Variants in DIAPH3 observed in about 807,000 individuals in gnomAD.
The protein encoded by DIAPH3 is diaphanous related formin 3.
In DIAPH3, 117 loss-of-function variants were observed where a neutral mutation model predicts 144.3. The observed-to-expected ratio is 0.81, with a 90% confidence interval of 0.70 to 0.95. The LOEUF is 0.95. DIAPH3 is among the 40% of genes least tolerant of loss of function. The pLI, the probability that DIAPH3 is intolerant of heterozygous loss-of-function variation, is 0.00. For missense variants in DIAPH3, 1,421 were observed against 1,412.7 expected, an observed-to-expected ratio of 1.01 and a Z score of -0.09; for synonymous variants, 519 against 488.9, an observed-to-expected ratio of 1.06 and a Z score of -0.81.
chr13:59,864,791 C>G (rs2139956955), intron 21 of DIAPH3, among the ~76,000 whole-genome samples: 1 of 151,968 alleles, frequency 6.6e-6, no homozygotes, highest in East Asian at 1.9e-4. Context: ...CATGGGTTGT[C>G]TTGTTGAAAA....
At chr13:59,762,932 T>C (rs1292377684) in intron 27 of DIAPH3, among the ~76,000 whole-genome samples, 1 of 152,150 alleles carries the variant, frequency 6.6e-6, no homozygotes, top group Non-Finnish European at 1.5e-5. Flanking sequence ...TTTGTCTCCC[T>C]TAGCCCATCA....
At chr13:59,717,263 T>C (rs1331919976) in intron 27 of DIAPH3, among the ~76,000 whole-genome samples, 1 of 152,232 alleles carries the variant, frequency 6.6e-6, no homozygotes, top group Non-Finnish European at 1.5e-5. Context: ...TAAATAAGAA[T>C]AGTATCTATA....
At chr13:59,808,584 C>T (rs1382698223) in intron 25 of DIAPH3, among the ~76,000 whole-genome samples, 2 of 152,016 alleles carry the variant, frequency 1.3e-5, no homozygotes, top group Non-Finnish European at 2.9e-5. Context: ...TAATTACAAA[C>T]ATTTTCTATT....
At chr13:59,756,444 A>AAGGAAGGAAGGAAGGAAGGAAGGAAG in intron 27 of DIAPH3, among the ~76,000 whole-genome samples, 1 of 122,832 alleles carries the variant, frequency 8.1e-6, no homozygotes, top group African/African-American at 3.3e-5. Context: ...AAGGAAGGAA[A>AAGGAAGGAAGGAAGGAAGGAAGGAAG]GAAGGAAGGA....
At chr13:59,774,486 A>G (rs1335492115) in intron 26 of DIAPH3, among the ~76,000 whole-genome samples, 2 of 152,142 alleles carry the variant, frequency 1.3e-5, no homozygotes, top group Non-Finnish European at 2.9e-5. Flanking sequence ...TTGTCACACT[A>G]ATTAGGATTT....
At chr13:60,144,638 T>G (rs748743866) in intron 1 of DIAPH3, 1 of 152,242 alleles carries the variant, frequency 6.6e-6, no homozygotes, top group Non-Finnish European at 1.5e-5. Context: ...GCTCTACTCT[T>G]GCACGGACCA....
At chr13:59,783,990 T>C (rs1031654196) in intron 25 of DIAPH3, among the ~76,000 whole-genome samples, 1 of 152,186 alleles carries the variant, frequency 6.6e-6, no homozygotes, top group African/African-American at 2.4e-5. Flanking sequence ...TTTTCCATTG[T>C]GTTTACTTTG....
chr13:59,888,680 C>CTTCA (rs1052105388), intron 20 of DIAPH3, among the ~76,000 whole-genome samples: 1 of 152,044 alleles, frequency 6.6e-6, no homozygotes, highest in African/African-American at 2.4e-5. Flanking sequence ...TTCAGGTACT[C>CTTCA]TTCATTACTT....
rs142627782 is a variant in DIAPH3, at chr13:59,735,964, C to G, written c.3319+38225G>C. On this transcript the variant is annotated intron_variant, in intron 27 of 27. Coordinates refer to ENST00000400324, the MANE Select transcript of DIAPH3 (RefSeq NM_001042517.2). The stretch of plus-strand genomic sequence containing the variant: ...ACCACCCTGAACCCTCTGACAGGCC[C>G]CAGTGTGTGTTGTTCCCCTCTATGT... 8.8e-3 allele frequency among the ~76,000 whole-genome samples: 1,334 copies of G among 152,172 alleles called. 20 individuals carry two copies. The highest frequency in any genetic ancestry group is 0.031 in the African/African-American group (1,271 of 41,500).
chr13:59,728,799 T>C (rs1300053314), intron 27 of DIAPH3, among the ~76,000 whole-genome samples: 1 of 152,136 alleles, frequency 6.6e-6, no homozygotes, highest in East Asian at 1.9e-4. Flanking sequence ...AGTACTTATG[T>C]AGATGAATTT....
chr13:59,839,621 A>G (rs1407476311), intron 22 of DIAPH3, among the ~76,000 whole-genome samples, 173 bp from the exon 23 acceptor site: 1 of 152,216 alleles, frequency 6.6e-6, no homozygotes, highest in African/African-American at 2.4e-5. Flanking sequence ...TAGTTATAAA[A>G]GAAATTCAGT....
chr13:60,031,732 CTTTTTTT>C (rs1165739891), intron 5 of DIAPH3, among the ~76,000 whole-genome samples: 1 of 64,680 alleles, frequency 1.5e-5, no homozygotes, highest in African/African-American at 6.6e-5. Context: ...GTCATTAAAT[CTTTTTTT>C]TTTTTTTTTT....
At chr13:59,689,122 T>C (rs956719435) in intron 27 of DIAPH3, among the ~76,000 whole-genome samples, 2 of 152,066 alleles carry the variant, frequency 1.3e-5, no homozygotes, top group Non-Finnish European at 2.9e-5. Context: ...TGCAAGAATT[T>C]AGCACCTTCT....
chr13:59,788,567 G>A (rs1015177904), intron 25 of DIAPH3, among the ~76,000 whole-genome samples: 1 of 152,156 alleles, frequency 6.6e-6, no homozygotes, highest in Non-Finnish European at 1.5e-5. Context: ...ATGTAAAAGG[G>A]TGTCTGTTAT....
At chr13:59,905,200 G>A (rs1218057088) in intron 20 of DIAPH3, among the ~76,000 whole-genome samples, 1 of 151,578 alleles carries the variant, frequency 6.6e-6, no homozygotes, top group Non-Finnish European at 1.5e-5. Context: ...AAAATTAGCC[G>A]GGCGTGGTGG....
intron 20 of DIAPH3, among the ~76,000 whole-genome samples, chr13:59,906,729 T>G (rs1322169531): frequency 6.6e-6 from 1 of 152,204 alleles, no homozygotes; most frequent in African/African-American, 2.4e-5. Flanking sequence ...CTTAACAGAA[T>G]TAAATAACGT....
chr13:59,666,719 G>T lies in DIAPH3; in HGVS notation c.3447C>A (p.Ile1149=), dbSNP rs1247574329. ...ACGCTTCCTTCTTCTCAGCTGCCTTGATCCTCCCAGTAGACGTATGAGTGT... is the reference window on the plus strand; with the variant it reads ...ACGCTTCCTTCTTCTCAGCTGCCTTTATCCTCCCAGTAGACGTATGAGTGT... ...NLDTHTSTGR[I]KAAEKKEACN... The change falls in exon 28 of 28, where the codon ATC becomes ATA. Residue 1149 remains isoleucine, a synonymous_variant. Coordinates refer to ENST00000400324, the MANE Select transcript of DIAPH3 (RefSeq NM_001042517.2). The T allele has an allele frequency of 3.1e-6, 5 of 1,613,974 alleles. No homozygotes were observed. Among genetic ancestry groups the T allele is most frequent in the East Asian group, 4.5e-5 (2 of 44,884 alleles).
At chr13:59,992,284 T>A in intron 10 of DIAPH3, 98 bp from the exon 11 acceptor site, 1 of 1,118,298 alleles carries the variant, frequency 8.9e-7, no homozygotes, top group East Asian at 2.6e-5. Flanking sequence ...TTCAACTTGA[T>A]TTATAGCATT....
intron 9 of DIAPH3, among the ~76,000 whole-genome samples, chr13:60,005,637 T>A (rs764997085): frequency 1.3e-5 from 2 of 151,992 alleles, no homozygotes; most frequent in East Asian, 3.9e-4. Flanking sequence ...CCCACCACCA[T>A]GCCCGGCTAA....
Sources: allele counts gnomAD v4.1 joint callset (sites outside exome capture counted in the v4.1 genomes callset), GRCh38; gene constraint gnomAD v4.1.1; transcripts MANE v1.5; gene names NCBI Gene and HGNC (gene_info 2026-07-23, HGNC 2026-07-21).